SYNJ1: variants seen among roughly 807,000 people sequenced by gnomAD.
The protein encoded by SYNJ1 is polyphosphatidylinositol phosphatase SYNJ1.
Under a neutral mutation model 168.2 loss-of-function variants are expected in SYNJ1, and 78 were observed. The observed-to-expected ratio is 0.46, with a 90% CI of 0.39 to 0.56. SYNJ1 has a LOEUF of 0.56. Among genes scored for constraint, SYNJ1 ranks in the 20% least tolerant of loss-of-function variants. SYNJ1 has a pLI of 0.00. For missense variants in SYNJ1, 1,303 were observed against 1,597.6 expected (o/e 0.82, Z 3.14); for synonymous variants, 539 against 548.6 (o/e 0.98, Z 0.24).
At chr21:32,672,842 CTAAA>C (rs2041258574) in intron 14 of SYNJ1, among the ~76,000 whole-genome samples, 1 of 151,994 alleles carries the variant, frequency 6.6e-6, no homozygotes, top group South Asian at 2.1e-4. Context: ...ATCTTAGTAA[CTAAA>C]TAGAGGATTA....
chr21:32,699,583 T>G lies in SYNJ1; in HGVS notation c.479+255A>C, dbSNP rs1783099. On this transcript the variant is annotated intron_variant, in intron 4 of 32. Transcript: ENST00000674351. The stretch of plus-strand genomic sequence containing the variant: ...GTTCCGGGGCATTCTTTCCAACACG[T>G]ATACCACCCCCTCGTGCCTGCTCAT... 0.57 allele frequency among the ~76,000 whole-genome samples: 86,455 copies of G among 151,942 alleles called. 25,585 individuals carry two copies. Among genetic ancestry groups the G allele is most frequent in the African/African-American group, 0.74 (30,556 of 41,436 alleles).
chr21:32,664,420 T>C (rs2040838958), intron 18 of SYNJ1, among the ~76,000 whole-genome samples: 1 of 152,200 alleles, frequency 6.6e-6, no homozygotes, highest in African/African-American at 2.4e-5. Flanking sequence ...CACTGTGCCC[T>C]GGGCCTGGTA....
At chr21:32,660,453 G>T (rs1194652692) in intron 18 of SYNJ1, among the ~76,000 whole-genome samples, 1 of 152,216 alleles carries the variant, frequency 6.6e-6, no homozygotes, top group South Asian at 2.1e-4. Context: ...CAGTATCAGA[G>T]AGCCTGGTCA....
chr21:32,635,289 G>T (rs562923466), intron 31 of SYNJ1, among the ~76,000 whole-genome samples: 175 of 152,266 alleles, frequency 1.1e-3, no homozygotes, highest in Admixed American at 3.2e-3. Flanking sequence ...GAGGTAATTA[G>T]AGTTAGATGA....
chr21:32,717,103 G>A (rs1227537667), intron 2 of SYNJ1, among the ~76,000 whole-genome samples: 1 of 152,074 alleles, frequency 6.6e-6, no homozygotes, highest in Non-Finnish European at 1.5e-5. Context: ...GGGATTACAG[G>A]TGCCTGCCAC....
intron 2 of SYNJ1, among the ~76,000 whole-genome samples, chr21:32,711,827 A>G (rs2042842011): frequency 6.6e-6 from 1 of 152,256 alleles, no homozygotes; most frequent in Non-Finnish European, 1.5e-5. Flanking sequence ...CTTGTTAAAC[A>G]TAACATAGTT....
intron 30 of SYNJ1, 24 bp from the exon 31 acceptor site, chr21:32,639,149 T>C (rs777762147): frequency 5.0e-6 from 8 of 1,595,462 alleles, no homozygotes; most frequent in African/African-American, 1.3e-5. Context: ...GGTTGTCAGA[T>C]GTTAGGTATA....
chr21:32,676,907 T>A (rs2041432774), intron 12 of SYNJ1, among the ~76,000 whole-genome samples: 1 of 152,100 alleles, frequency 6.6e-6, no homozygotes, highest in African/African-American at 2.4e-5. Context: ...GTTCAAAAAC[T>A]TCAACAATGA....
intron 26 of SYNJ1, 123 bp from the exon 27 acceptor site, chr21:32,643,580 A>G (rs1026034331): frequency 5.3e-6 from 5 of 941,074 alleles, no homozygotes; most frequent in Non-Finnish European, 8.2e-6. Flanking sequence ...TTATTGCTTT[A>G]AATTTCTTCA....
chr21:32,698,180 G>GC (rs537356492), intron 4 of SYNJ1, among the ~76,000 whole-genome samples: 101 of 151,988 alleles, frequency 6.6e-4, no homozygotes, highest in African/African-American at 2.4e-3. Context: ...CTCCTCCTCT[G>GC]CTAAACCCAA....
intron 4 of SYNJ1, among the ~76,000 whole-genome samples, chr21:32,695,940 A>G (rs1367841887): frequency 6.7e-6 from 1 of 149,884 alleles, no homozygotes; most frequent in Non-Finnish European, 1.5e-5. Flanking sequence ...TCTGCCTCCC[A>G]GTTTTATGTC....
chr21:32,700,059 A>G lies in SYNJ1; in HGVS notation c.258T>C (p.Ser86=), dbSNP rs1456730085. Residue 86 remains serine, a synonymous_variant, in exon 4 of 33, where the codon TCT becomes TCC. Transcript: ENST00000674351. ...HYLVLVTGCM[S]VGKIQESEVF... The stretch of plus-strand genomic sequence containing the variant: ...CTTCAGATTCTTGAATTTTTCCAAC[A>G]GACATACATCCAGTGACTAGGACCA... 6.2e-7 allele frequency: 1 copy of G among 1,614,182 alleles called. No homozygotes were observed. The highest frequency in any genetic ancestry group is 2.2e-5 in the East Asian group (1 of 44,886).
intron 3 of SYNJ1, among the ~76,000 whole-genome samples, chr21:32,700,743 T>C (rs560765540): frequency 2.0e-5 from 3 of 152,348 alleles, no homozygotes; most frequent in Admixed American, 6.5e-5. Context: ...TGCTTAATGA[T>C]TGTCAGAAAA....
intron 6 of SYNJ1, among the ~76,000 whole-genome samples, chr21:32,689,354 T>G (rs956552122): frequency 6.6e-6 from 1 of 152,192 alleles, no homozygotes; most frequent in African/African-American, 2.4e-5. Flanking sequence ...TGGAGTGCAT[T>G]GGCGTGATCT....
chr21:32,709,752 C>T (rs749488727), intron 2 of SYNJ1, among the ~76,000 whole-genome samples: 6 of 151,706 alleles, frequency 4.0e-5, no homozygotes, highest in African/African-American at 1.2e-4. Context: ...TCCTGAGCTC[C>T]GGTGATCCTC....
intron 11 of SYNJ1, 140 bp from the exon 12 acceptor site, chr21:32,678,941 T>C (rs993561194): frequency 2.3e-5 from 25 of 1,109,186 alleles, no homozygotes; most frequent in African/African-American, 9.8e-5. Flanking sequence ...TTTGAATATA[T>C]AGTCATGACA....
chr21:32,693,436 A>C (rs902209448), intron 6 of SYNJ1, among the ~76,000 whole-genome samples: 2 of 152,214 alleles, frequency 1.3e-5, no homozygotes, highest in African/African-American at 4.8e-5. Flanking sequence ...GTTACTAAAA[A>C]GGTTCAAGTA....
At chr21:32,725,298 A>G (rs2043404909) in intron 2 of SYNJ1, among the ~76,000 whole-genome samples, 1 of 152,148 alleles carries the variant, frequency 6.6e-6, no homozygotes, top group Admixed American at 6.6e-5. Context: ...CAACCCCCAC[A>G]ATATTTTAAT....
In SYNJ1 at chr21:32,629,917, G is replaced by T. The variant is rs549227725; in HGVS notation, c.*1888C>A. On this transcript the variant is annotated 3_prime_UTR_variant, in exon 33 of 33. Coordinates refer to ENST00000674351, the MANE Select transcript of SYNJ1 (RefSeq NM_203446.3). ...GATGTGTTATGTAGCCTCGTAAGAG[G>T]GGGGAGAACACACACTGGGTATATT... 6.6e-6 allele frequency: 1 copy of T among 152,476 alleles called. No individual in the cohort carries two copies. The highest frequency in any genetic ancestry group is 6.5e-5 in the Admixed American group (1 of 15,278). 9.4% of individuals were successfully genotyped at this position (152,476 alleles called of 1,614,324 possible).
Sources: gnomAD v4.1 joint callset for allele counts (sites outside exome capture counted in the v4.1 genomes callset) on GRCh38, gnomAD v4.1.1 for gene constraint, MANE v1.5 for transcripts, NCBI Gene and HGNC (gene_info 2026-07-23, HGNC 2026-07-21) for gene names.